The following IGF2R variants were observed in gnomAD, a reference collection of about 807,000 sequenced individuals.
The protein encoded by IGF2R is insulin like growth factor 2 receptor, also known as cation-independent mannose-6-phosphate receptor.
IGF2R carries 91 observed loss-of-function variants against 270.6 expected under a neutral mutation model. The observed-to-expected ratio is 0.34, with a 90% CI of 0.28 to 0.40. The LOEUF is 0.40. IGF2R is among the 10% of genes least tolerant of loss of function. IGF2R has a pLI of 1.00. For missense variants in IGF2R, 2,805 were observed against 3,188.3 expected (o/e 0.88, Z 2.90); for synonymous variants, 1,316 against 1,258.9 (o/e 1.05, Z -0.96).
rs952459282 is a variant in IGF2R, at chr6:160,058,133, G to A, written c.2898+9G>A. On this transcript the variant is annotated intron_variant, in intron 21 of 47. Transcript: ENST00000356956. ...TTGGGAAGATTTTTATGGTAAGAGC[G>A]ATATGATGCATTTCCAGTTTGCTTT... 4 of 1,553,526 alleles carry A rather than the reference G, an allele frequency of 2.6e-6. No homozygotes were observed. Among genetic ancestry groups the A allele is most frequent in the South Asian group, 2.2e-5 (2 of 89,854 alleles).
In IGF2R at chr6:160,084,147, C is replaced by T. The variant is rs1321476962; in HGVS notation, c.6031C>T (p.Leu2011Phe). The change falls in exon 40 of 48, where the codon CTC (leucine) becomes TTC (phenylalanine). Residue 2011 changes from leucine (L) to phenylalanine (F), a missense_variant. Transcript: ENST00000356956. The surrounding 1 kb of genome is among the most constrained non-coding windows in gnomAD (Gnocchi z 4.6). The stretch of plus-strand genomic sequence containing the variant: ...CTACGACCTGCGGCTGCTCTCCTCT[C>T]TCACCGGGTCCTGGTCCCTCGTCCA... ...KTYDLRLLSS[L>F]TGSWSLVHNG... 1.2e-6 allele frequency: 2 copies of T among 1,614,072 alleles called. No homozygotes were observed. The highest frequency in any genetic ancestry group is 2.2e-5 in the South Asian group (2 of 91,076).
At chr6:159,981,228 C>T (rs1783794441) in intron 1 of IGF2R, among the ~76,000 whole-genome samples, 1 of 152,144 alleles carries the variant, frequency 6.6e-6, no homozygotes, top group African/African-American at 2.4e-5. Context: ...CTGAGAGGTC[C>T]CAGGAGGCAG....
At chr6:160,055,436 C>T (rs1031140592) in intron 19 of IGF2R, among the ~76,000 whole-genome samples, 1 of 152,178 alleles carries the variant, frequency 6.6e-6, no homozygotes, top group African/African-American at 2.4e-5. Flanking sequence ...GAAATACACT[C>T]ACTGAAGGAA....
Position 160,079,605 on chromosome 6 carries a change from G to A in IGF2R, c.5504G>A (p.Ser1835Asn). ...GTGACTCGCGACTCGCGCACCTACA[G>A]CGTTGGGGTGTGCACCTTTGCAGTC... ...FKVTRDSRTY[S>N]VGVCTFAVGP... The change falls in exon 38 of 48, where the codon AGC becomes AAC. Residue 1835 changes from serine (S) to asparagine (N), a missense_variant. This residue lies in a region of IGF2R where 1,851 missense variants were observed against 2,207.2 expected (regional missense o/e 0.84). Transcript: ENST00000356956. The A allele has an allele frequency of 6.6e-7, 1 of 1,508,752 alleles. No individual in the cohort carries two copies. Among genetic ancestry groups the A allele is most frequent in the Admixed American group, 2.3e-5 (1 of 43,446 alleles). 93.5% of individuals were successfully genotyped at this position (1,508,752 alleles called of 1,614,324 possible). A position where few individuals can be genotyped will look rare whatever the true frequency, so the allele number is the denominator to read the frequency against.
chr6:160,080,157 C>G lies in IGF2R; in HGVS notation c.5715C>G (p.Phe1905Leu). The change falls in exon 39 of 48, where the codon TTC becomes TTG. Residue 1905 changes from phenylalanine to leucine, a missense_variant. Physicochemically the swap from Phe to Leu is conservative, Grantham distance 22. Around this residue, in one of 2 missense-constraint regions of IGF2R, gnomAD observed 1,851 missense variants for 2,207.2 expected, o/e 0.84. Coordinates refer to ENST00000356956, the MANE Select transcript of IGF2R (RefSeq NM_000876.4). ...PETDDGVPCV[F>L]PFIFNGKSYE... ...CCGATGACGGCGTCCCCTGTGTCTT[C>G]CCCTTCATATTCAATGGGAAGAGCT... The G allele has an allele frequency of 6.2e-7, 1 of 1,614,164 alleles. No individual in the cohort carries two copies. Among genetic ancestry groups the G allele is most frequent in the Non-Finnish European group, 8.5e-7 (1 of 1,180,018 alleles).
At chr6:160,078,955 C>G (rs1354219926) in intron 37 of IGF2R, among the ~76,000 whole-genome samples, 1 of 152,118 alleles carries the variant, frequency 6.6e-6, no homozygotes, top group Non-Finnish European at 1.5e-5. Flanking sequence ...CCCCTGACTC[C>G]CTAAGCCTAG....
chr6:159,973,076 G>A (rs1783634863), intron 1 of IGF2R, among the ~76,000 whole-genome samples: 1 of 152,140 alleles, frequency 6.6e-6, no homozygotes, highest in Admixed American at 6.5e-5. Context: ...GGACTGGCCT[G>A]TAGAAAAGAC....
At chr6:160,041,267 G>T (rs931075521) in intron 11 of IGF2R, among the ~76,000 whole-genome samples, 1 of 152,160 alleles carries the variant, frequency 6.6e-6, no homozygotes, top group African/African-American at 2.4e-5. Flanking sequence ...GGGATTTCTG[G>T]TTTTACCCTC....
chr6:160,023,492 C>T (rs1031428813), intron 4 of IGF2R, among the ~76,000 whole-genome samples: 3 of 152,140 alleles, frequency 2.0e-5, no homozygotes, highest in Non-Finnish European at 2.9e-5. Context: ...ATAAATAACA[C>T]TTATGCCAAC....
chr6:160,053,469 G>T (rs1223171211), intron 19 of IGF2R, among the ~76,000 whole-genome samples: 1 of 152,162 alleles, frequency 6.6e-6, no homozygotes, highest in East Asian at 1.9e-4. Context: ...GGAGGTAGAG[G>T]AGGTGAGTGG....
At position 160,058,211 on chromosome 6, in the gene IGF2R, G is replaced by T. The variant is rs1778355450; in HGVS notation, c.2898+87G>T. The T allele has an allele frequency of 1.1e-5, 9 of 855,542 alleles. No individual in the cohort carries two copies. In the East Asian group the frequency reaches 2.2e-4, roughly 21 times the overall value. The allele number at this position is 855,542 out of a possible 1,614,324, so 53.0% of individuals were successfully genotyped here. A position where few individuals can be genotyped will look rare whatever the true frequency, so the allele number is the denominator to read the frequency against. On this transcript the variant is annotated intron_variant, in intron 21 of 47. Coordinates refer to ENST00000356956, the MANE Select transcript of IGF2R (RefSeq NM_000876.4). ...GTCACCTGCACGTGGTGATATGAGA[G>T]AATTGCCCAGGCCACTGTGGTGGCA...
chr6:160,018,406 G>T (rs1777353172), intron 4 of IGF2R, among the ~76,000 whole-genome samples: 1 of 151,966 alleles, frequency 6.6e-6, no homozygotes, highest in South Asian at 2.1e-4. Flanking sequence ...TGCAATAATA[G>T]AATTCAATCA....
intron 1 of IGF2R, among the ~76,000 whole-genome samples, chr6:159,982,044 A>G (rs8191698): frequency 1.2e-3 from 182 of 152,324 alleles, no homozygotes; most frequent in African/African-American, 4.3e-3. Flanking sequence ...AGCTCTGGCC[A>G]TGCTGTGTCA....
rs8191920 is a variant in IGF2R, at chr6:160,087,312, A to G, written c.6206-721A>G. ...GCACCTAATATGATAGAGAGAGTTT[A>G]CACAATTGGAGCGATAATGAAGGCT... On this transcript the variant is annotated intron_variant, in intron 41 of 47. Transcript: ENST00000356956. Among the ~76,000 whole-genome samples the G allele has an allele frequency of 2.0e-3, 303 of 152,310 alleles. 1 individual carries two copies. Among genetic ancestry groups the G allele is most frequent in the African/African-American group, 7.0e-3 (289 of 41,564 alleles).
At position 160,045,759 on chromosome 6, in the gene IGF2R, G is replaced by A. The variant is rs1343867966; in HGVS notation, c.1780G>A (p.Ala594Thr). 7 of 1,614,184 alleles carry A rather than the reference G, an allele frequency of 4.3e-6. No individual in the cohort carries two copies. The highest frequency in any genetic ancestry group is 4.5e-5 in the East Asian group (2 of 44,884). ...CCCATTGACAGGTGATCTGGAAAGT[G>A]CACCAGTGTTGAGAACTTCTGGGGA... ...LVCKPGDLES[A>T]PVLRTSGEGG... Residue 594 changes from alanine (A) to threonine (T), a missense_variant, in exon 14 of 48, where the codon GCA becomes ACA. By Grantham distance (58) the Ala-to-Thr change is moderately conservative. Coordinates refer to ENST00000356956, the MANE Select transcript of IGF2R (RefSeq NM_000876.4).
intron 37 of IGF2R, 84 bp downstream of exon 37, chr6:160,078,446 G>A (rs1778902736): frequency 5.3e-6 from 7 of 1,316,984 alleles, no homozygotes; most frequent in Non-Finnish European, 6.5e-6. Context: ...TTTGGATAAT[G>A]TGGTACCTGT....
intron 4 of IGF2R, 28 bp from the exon 5 acceptor site, chr6:160,024,544 G>A: frequency 6.2e-7 from 1 of 1,612,022 alleles, no homozygotes; most frequent in Non-Finnish European, 8.5e-7. Flanking sequence ...GTATACTGAA[G>A]ACTCACTTTT....
At chr6:159,986,508 T>C (rs941370616) in intron 1 of IGF2R, among the ~76,000 whole-genome samples, 1 of 151,260 alleles carries the variant, frequency 6.6e-6, no homozygotes, top group Admixed American at 6.6e-5. Context: ...CCTCAAGTGA[T>C]CCTCCCACCT....
chr6:160,060,741 T>C, intron 23 of IGF2R, 24 bp downstream of exon 23: 1 of 1,613,000 alleles, frequency 6.2e-7, no homozygotes, highest in South Asian at 1.1e-5. Flanking sequence ...GCCTAAGAAC[T>C]GAGAGGCCGG....
Sources: gnomAD v4.1 joint callset for allele counts (sites outside exome capture counted in the v4.1 genomes callset) on GRCh38, gnomAD v4.1.1 for gene constraint, gnomAD v4.1.1 regional missense constraint, Gnocchi (gnomAD v3.1) non-coding constraint, MANE v1.5 for transcripts, NCBI Gene and HGNC (gene_info 2026-07-23, HGNC 2026-07-21) for gene names.